The following UNC13C variants were observed in gnomAD, a reference collection of about 807,000 sequenced individuals.
UNC13C encodes the protein protein unc-13 homolog C.
Under a neutral mutation model 245.4 loss-of-function variants are expected in UNC13C, and 174 were observed. The ratio of observed to expected loss-of-function variants is 0.71; its 90% confidence interval spans 0.63 to 0.80. The LOEUF (loss-of-function observed/expected upper bound fraction) is 0.80. Ranked by LOEUF, UNC13C falls within the 30% of genes least tolerant of loss-of-function variation. UNC13C has a pLI of 0.00. For synonymous variants in UNC13C, 992 were observed against 895.1 expected (o/e 1.11, Z -1.93); for missense variants, 2,829 against 2,602.9 (o/e 1.09, Z -1.89).
At chr15:54,209,323 G>T (rs1025962646) in intron 4 of UNC13C, among the ~76,000 whole-genome samples, 3 of 152,108 alleles carry the variant, frequency 2.0e-5, no homozygotes, top group African/African-American at 2.4e-5. Flanking sequence ...CTATACTCCA[G>T]TTATAAACTA....
intron 30 of UNC13C, among the ~76,000 whole-genome samples, chr15:54,593,365 G>A (rs1041527390): frequency 2.0e-5 from 3 of 152,112 alleles, no homozygotes; most frequent in African/African-American, 4.8e-5. Context: ...TTTCTATCAA[G>A]GCCAGAGAAG....
intron 18 of UNC13C, among the ~76,000 whole-genome samples, chr15:54,410,198 T>G (rs1342780040): frequency 6.6e-6 from 1 of 152,166 alleles, no homozygotes; most frequent in Non-Finnish European, 1.5e-5. Context: ...CTGTTCATGT[T>G]CTTTGTTCAT....
At chr15:54,618,348 G>A (rs1033091483) in intron 30 of UNC13C, among the ~76,000 whole-genome samples, 1 of 152,138 alleles carries the variant, frequency 6.6e-6, no homozygotes, top group Non-Finnish European at 1.5e-5. Flanking sequence ...GCATGTTGTA[G>A]ACACACAGAT....
At chr15:53,899,991 T>C in the UNC13C span, among the ~76,000 whole-genome samples, 1 of 152,206 alleles carries the variant, frequency 6.6e-6, no homozygotes, top group Non-Finnish European at 1.5e-5. Context: ...CTGCCATATG[T>C]ATATTTTATT....
intron 10 of UNC13C, among the ~76,000 whole-genome samples, chr15:54,286,586 C>A (rs2037156419): frequency 6.6e-6 from 1 of 152,108 alleles, no homozygotes; most frequent in Admixed American, 6.6e-5. Flanking sequence ...ATGGGTTAAA[C>A]TCTGATAACT....
chr15:53,889,097 G>A, the UNC13C span, among the ~76,000 whole-genome samples: 1 of 152,146 alleles, frequency 6.6e-6, no homozygotes. Flanking sequence ...CAAAGTCAAT[G>A]GTAGCTTGAT....
chr15:54,486,739 TA>T (rs1444438609), intron 19 of UNC13C, among the ~76,000 whole-genome samples: 3 of 152,224 alleles, frequency 2.0e-5, no homozygotes, highest in Non-Finnish European at 4.4e-5. Context: ...GTCTCTTTTT[TA>T]AAAATACCCT....
rs74922389 is a variant in UNC13C at position 54,095,319 on chromosome 15, C to T, written c.2984-47699C>T. On this transcript the variant is annotated intron_variant, in intron 2 of 32. Coordinates refer to ENST00000260323, the MANE Select transcript of UNC13C (RefSeq NM_001080534.3). ...AAAGGATCTCCTATTTCCCATAGAT[C>T]GGGTTGTAGTGGGGTAAGCAGGACC... Among the ~76,000 whole-genome samples, 20 of 152,234 alleles carry T rather than the reference C, an allele frequency of 1.3e-4. No homozygotes were observed. In the East Asian group the frequency reaches 3.5e-3, roughly 26 times the overall value.
chr15:54,218,896 G>A (rs914147979), intron 4 of UNC13C, among the ~76,000 whole-genome samples: 5 of 151,962 alleles, frequency 3.3e-5, no homozygotes, highest in East Asian at 1.9e-4. Flanking sequence ...TTAATGGGAC[G>A]TAAAGGACCT....
intron 4 of UNC13C, among the ~76,000 whole-genome samples, chr15:54,155,698 A>G (rs1313404424): frequency 2.0e-5 from 3 of 152,338 alleles, no homozygotes; most frequent in Non-Finnish European, 4.4e-5. Context: ...AGAGTAATGT[A>G]CTTTCCAGAT....
At chr15:53,915,236 T>G in the UNC13C span, among the ~76,000 whole-genome samples, 1 of 152,208 alleles carries the variant, frequency 6.6e-6, no homozygotes, top group East Asian at 1.9e-4. Context: ...AAAAAATATG[T>G]CCTATGTGTC....
chr15:54,435,821 T>A (rs2040973072), intron 19 of UNC13C, among the ~76,000 whole-genome samples: 1 of 151,284 alleles, frequency 6.6e-6, no homozygotes, highest in African/African-American at 2.4e-5. Flanking sequence ...ACTTTTGCAA[T>A]CTATCCATCT....
At chr15:54,566,733 GA>G (rs372460677) in intron 29 of UNC13C, among the ~76,000 whole-genome samples, 7,816 of 150,854 alleles carry the variant, frequency 0.052, 347 homozygotes, top group Admixed American at 0.13. Flanking sequence ...CTTGAATAGG[GA>G]AAAAAAAACT....
intron 2 of UNC13C, chr15:54,048,666 A>G: frequency 2.9e-6 from 1 of 344,654 alleles, no homozygotes; most frequent in Non-Finnish European, 5.9e-6. Flanking sequence ...ACAAGCTCAC[A>G]TTGTTTGCTC....
intron 2 of UNC13C, among the ~76,000 whole-genome samples, chr15:54,075,256 C>T (rs186635410): frequency 4.6e-5 from 7 of 152,120 alleles, no homozygotes; most frequent in Non-Finnish European, 7.4e-5. Flanking sequence ...GAGGCCGAGG[C>T]GGGCGGATCA....
the UNC13C span, among the ~76,000 whole-genome samples, chr15:53,881,802 A>G: frequency 6.6e-6 from 1 of 152,192 alleles, no homozygotes; most frequent in African/African-American, 2.4e-5. Flanking sequence ...GGATATTCCT[A>G]CTTGCACAAA....
the UNC13C span, chr15:53,913,893 T>C: frequency 6.6e-6 from 1 of 152,190 alleles, no homozygotes; most frequent in Non-Finnish European, 1.5e-5. Flanking sequence ...ACTAACACCA[T>C]ATGGGTTAAA....
chr15:53,878,152 C>T, the UNC13C span, among the ~76,000 whole-genome samples: 5 of 152,036 alleles, frequency 3.3e-5, no homozygotes, highest in African/African-American at 1.2e-4. Flanking sequence ...AAACTTTGAG[C>T]AGGACATACT....
intron 13 of UNC13C, among the ~76,000 whole-genome samples, chr15:54,314,987 C>T (rs1056108497): frequency 3.3e-5 from 5 of 151,576 alleles, no homozygotes; most frequent in African/African-American, 1.2e-4. Context: ...AGTGGTCGTT[C>T]TTAATGAAAG....
Sources: gnomAD v4.1 joint callset for allele counts (sites outside exome capture counted in the v4.1 genomes callset) on GRCh38, gnomAD v4.1.1 for gene constraint, MANE v1.5 for transcripts, NCBI Gene and HGNC (gene_info 2026-07-23, HGNC 2026-07-21) for gene names.